GTF2E2: variants seen among roughly 807,000 people sequenced by gnomAD.
The protein encoded by GTF2E2 is general transcription factor IIE subunit 2.
GTF2E2 carries 21 observed loss-of-function variants against 40.5 expected under a neutral mutation model. The observed-to-expected ratio is 0.52, with a 90% confidence interval of 0.37 to 0.75. The LOEUF (loss-of-function observed/expected upper bound fraction) is 0.75. Among genes scored for constraint, GTF2E2 ranks in the 30% least tolerant of loss-of-function variants. GTF2E2 has a pLI of 0.00. For synonymous variants in GTF2E2, 117 were observed against 121.6 expected (o/e 0.96, Z 0.25); for missense variants, 298 against 338.4 (o/e 0.88, Z 0.94).
chr8:30,643,661 A>AC (rs1276114205), intron 2 of GTF2E2: 2 of 150,756 alleles, frequency 1.3e-5, no homozygotes, highest in Non-Finnish European at 3.0e-5. Flanking sequence ...CTCTGCCTAA[A>AC]AAAAAAAAAA....
chr8:30,609,925 A>G (rs993752661), intron 5 of GTF2E2, among the ~76,000 whole-genome samples: 5 of 152,146 alleles, frequency 3.3e-5, no homozygotes, highest in Admixed American at 6.5e-5. Context: ...TGCCATGATT[A>G]TAAGTTTCCT....
chr8:30,626,442 G>A (rs966810551), intron 3 of GTF2E2, among the ~76,000 whole-genome samples: 1 of 152,178 alleles, frequency 6.6e-6, no homozygotes, highest in African/African-American at 2.4e-5. Flanking sequence ...CCGAGATCAC[G>A]CCATTGCACT....
Position 30,653,413 on chromosome 8 carries a change from T to C in GTF2E2, c.166+20A>G. 4 of 1,594,622 alleles carry C rather than the reference T, an allele frequency of 2.5e-6. No individual in the cohort carries two copies. The highest frequency in any genetic ancestry group is 3.4e-6 in the Non-Finnish European group (4 of 1,164,390). On this transcript the variant is annotated intron_variant, in intron 2 of 7. Transcript: ENST00000355904. ...AATAATCTGAATAAAAACCAAACAG[T>C]CCTAAACAATTTTACTAACCAGAAT...
chr8:30,640,557 A>C (rs962208611), intron 2 of GTF2E2, among the ~76,000 whole-genome samples: 2 of 152,216 alleles, frequency 1.3e-5, no homozygotes, highest in African/African-American at 4.8e-5. Context: ...ATGGGTAGGG[A>C]AGTCCAGAAA....
At chr8:30,639,990 A>G (rs1159151142) in intron 2 of GTF2E2, among the ~76,000 whole-genome samples, 1 of 152,230 alleles carries the variant, frequency 6.6e-6, no homozygotes, top group East Asian at 1.9e-4. Flanking sequence ...TTTGTCAAAT[A>G]AAACAGTTAA....
intron 1 of GTF2E2, among the ~76,000 whole-genome samples, 182 bp downstream of exon 1, chr8:30,657,791 G>A (rs574504998): frequency 2.0e-4 from 31 of 152,124 alleles, no homozygotes; most frequent in Non-Finnish European, 4.4e-4. Flanking sequence ...TGAACCTCTG[G>A]CCTAAAGACA....
chr8:30,607,003 C>T, intron 6 of GTF2E2, 54 bp downstream of exon 6: 1 of 635,684 alleles, frequency 1.6e-6, no homozygotes, highest in Non-Finnish European at 2.8e-6. Flanking sequence ...TTAATTTTAC[C>T]ACCCTAAAAT....
At chr8:30,593,168 G>A (rs928295225) in intron 6 of GTF2E2, among the ~76,000 whole-genome samples, 2 of 152,234 alleles carry the variant, frequency 1.3e-5, no homozygotes, top group African/African-American at 4.8e-5. Flanking sequence ...TCCAACCAGG[G>A]CAACAAGAGT....
At chr8:30,613,245 C>G (rs184036858) in intron 4 of GTF2E2, among the ~76,000 whole-genome samples, 1 of 152,214 alleles carries the variant, frequency 6.6e-6, no homozygotes, top group Non-Finnish European at 1.5e-5. Flanking sequence ...AGTCAATGGT[C>G]TTCCCCATCT....
chr8:30,646,826 A>G (rs1349586559), intron 2 of GTF2E2, among the ~76,000 whole-genome samples: 1 of 151,962 alleles, frequency 6.6e-6, no homozygotes, highest in Non-Finnish European at 1.5e-5. Flanking sequence ...CTAAAAATAC[A>G]AAAGTTAGCC....
chr8:30,654,515 A>G (rs1392542773), intron 1 of GTF2E2, among the ~76,000 whole-genome samples: 2 of 151,966 alleles, frequency 1.3e-5, no homozygotes. Flanking sequence ...CAATCCTCCC[A>G]CCTCAGCCTC....
At chr8:30,616,122 C>G (rs934066101) in intron 3 of GTF2E2, among the ~76,000 whole-genome samples, 29 of 152,070 alleles carry the variant, frequency 1.9e-4, no homozygotes, top group Non-Finnish European at 4.1e-4. Context: ...CCGGAAAAGG[C>G]AAAAACCATG....
At chr8:30,584,072 C>T (rs891957806) in intron 6 of GTF2E2, among the ~76,000 whole-genome samples, 2 of 152,184 alleles carry the variant, frequency 1.3e-5, no homozygotes, top group African/African-American at 4.8e-5. Flanking sequence ...TCCCAAAGTG[C>T]TGGGATTACA....
At chr8:30,615,390 T>C (rs1394951727) in intron 3 of GTF2E2, among the ~76,000 whole-genome samples, 1 of 152,150 alleles carries the variant, frequency 6.6e-6, no homozygotes, top group Non-Finnish European at 1.5e-5. Context: ...CAATCCTATT[T>C]CTAGAAACTT....
At chr8:30,612,710 C>A (rs986617678) in intron 4 of GTF2E2, among the ~76,000 whole-genome samples, 6 of 151,976 alleles carry the variant, frequency 3.9e-5, no homozygotes. Flanking sequence ...CCACACCCAG[C>A]GAATTTTTGT....
At chr8:30,637,155 A>G in intron 2 of GTF2E2, 1 of 451,770 alleles carries the variant, frequency 2.2e-6, no homozygotes, top group Non-Finnish European at 4.4e-6. Context: ...TACACAGATT[A>G]TTCCATCTGA....
rs560102898 is a variant in GTF2E2 at position 30,603,589 on chromosome 8, C to T, written c.643+3468G>A. Among the ~76,000 whole-genome samples, 366 of 152,150 alleles carry T rather than the reference C, an allele frequency of 2.4e-3. 3 individuals are homozygous for T. Among genetic ancestry groups the T allele is most frequent in the Non-Finnish European group, 4.6e-3 (313 of 68,000 alleles). ...TGAACACAATTCTTAAAATAAACTACGACTGCCAAGAACGTTTATAAACTA... is the reference window on the plus strand; with the variant it reads ...TGAACACAATTCTTAAAATAAACTATGACTGCCAAGAACGTTTATAAACTA... On this transcript the variant is annotated intron_variant, in intron 6 of 7. Transcript: ENST00000355904.
At chr8:30,641,645 G>A (rs1801836198) in intron 2 of GTF2E2, among the ~76,000 whole-genome samples, 1 of 152,184 alleles carries the variant, frequency 6.6e-6, no homozygotes, top group Admixed American at 6.5e-5. Flanking sequence ...GGGAAGCCAA[G>A]GTGGGTGGAT....
chr8:30,605,477 G>A (rs1421806849), intron 6 of GTF2E2, among the ~76,000 whole-genome samples: 1 of 152,186 alleles, frequency 6.6e-6, no homozygotes, highest in Non-Finnish European at 1.5e-5. Flanking sequence ...TGCAGCTAGA[G>A]AAGGGAAAGG....
Sources: allele counts gnomAD v4.1 joint callset (sites outside exome capture counted in the v4.1 genomes callset), GRCh38; gene constraint gnomAD v4.1.1; transcripts MANE v1.5; gene names NCBI Gene and HGNC (gene_info 2026-07-23, HGNC 2026-07-21).